STMN2: variants seen among roughly 807,000 people sequenced by gnomAD.
STMN2 encodes the protein stathmin-2.
Under a neutral mutation model 24.1 loss-of-function variants are expected in STMN2, and 2 were observed. The ratio of observed to expected loss-of-function variants is 0.08; its 90% confidence interval spans 0.03 to 0.26. The LOEUF (loss-of-function observed/expected upper bound fraction) is 0.26. Ranked by LOEUF, STMN2 falls within the 10% of genes least tolerant of loss-of-function variation. The pLI is 1.00. For synonymous variants in STMN2, 83 were observed against 77.5 expected (o/e 1.07, Z -0.37); for missense variants, 114 against 213.6 (o/e 0.53, Z 2.91).
At chr8:79,663,449 TA>T (rs928338104) in intron 4 of STMN2, 25 of 467,206 alleles carry the variant, frequency 5.4e-5, no homozygotes, top group African/African-American at 4.2e-4. Flanking sequence ...TTAATACAGG[TA>T]AAACGTGTAC....
At chr8:79,653,903 A>G (rs183663251) in intron 3 of STMN2, among the ~76,000 whole-genome samples, 1 of 152,316 alleles carries the variant, frequency 6.6e-6, no homozygotes, top group African/African-American at 2.4e-5. Context: ...GGAGAATAAA[A>G]AGAATATGGA....
chr8:79,622,101 A>G (rs10113678), intron 1 of STMN2, among the ~76,000 whole-genome samples: 106,362 of 151,962 alleles, frequency 0.7, 37,885 homozygotes, highest in African/African-American at 0.82. Flanking sequence ...AAGAGAGAGC[A>G]TGGATTAGAG....
chr8:79,634,405 G>A (rs1024455571), intron 1 of STMN2, among the ~76,000 whole-genome samples: 5 of 152,148 alleles, frequency 3.3e-5, no homozygotes, highest in African/African-American at 1.2e-4. Flanking sequence ...GATGTTCCAG[G>A]ACTTTTATGG....
At chr8:79,617,088 A>C (rs1005295237) in intron 1 of STMN2, among the ~76,000 whole-genome samples, 1 of 152,178 alleles carries the variant, frequency 6.6e-6, no homozygotes, top group Non-Finnish European at 1.5e-5. Context: ...TTATTCTAAG[A>C]GTATTTCTTC....
intron 1 of STMN2, among the ~76,000 whole-genome samples, chr8:79,632,810 T>A (rs1052004417): frequency 1.3e-5 from 2 of 152,208 alleles, no homozygotes; most frequent in Admixed American, 6.5e-5. Context: ...GAAATTTTTA[T>A]GATACTGCAC....
chr8:79,623,172 G>T (rs4739857), intron 1 of STMN2, among the ~76,000 whole-genome samples: 53,162 of 152,082 alleles, frequency 0.35, 9,410 homozygotes, highest in South Asian at 0.41. Context: ...TACCTTAGAT[G>T]AGTATGGTGA....
intron 1 of STMN2, among the ~76,000 whole-genome samples, chr8:79,625,792 T>C (rs1167894444): frequency 4.6e-5 from 7 of 152,012 alleles, no homozygotes; most frequent in African/African-American, 1.4e-4. Flanking sequence ...ACCCTGTCTC[T>C]ACTAAAAATA....
chr8:79,657,018 C>T (rs563544943), intron 4 of STMN2, among the ~76,000 whole-genome samples: 11 of 152,162 alleles, frequency 7.2e-5, no homozygotes, highest in African/African-American at 2.4e-4. Context: ...AGATTACAGG[C>T]GTATACCACC....
At chr8:79,654,203 G>A (rs1810397970) in intron 3 of STMN2, among the ~76,000 whole-genome samples, 2 of 152,068 alleles carry the variant, frequency 1.3e-5, no homozygotes, top group South Asian at 4.1e-4. Flanking sequence ...CAAAGTGCAG[G>A]GCAGGGTGTA....
At chr8:79,657,610 A>C (rs1203026124) in intron 4 of STMN2, among the ~76,000 whole-genome samples, 3 of 152,206 alleles carry the variant, frequency 2.0e-5, no homozygotes, top group Non-Finnish European at 4.4e-5. Flanking sequence ...TGCAGCCCAG[A>C]GAAATTCTAG....
chr8:79,635,720 A>G (rs1382412475), intron 1 of STMN2, among the ~76,000 whole-genome samples: 1 of 152,190 alleles, frequency 6.6e-6, no homozygotes, highest in Non-Finnish European at 1.5e-5. Context: ...ACACATGGAC[A>G]TAAATATGAG....
rs762178663 is a variant in STMN2 at position 79,641,624 on chromosome 8, GCACGCACA to G, written c.288+78_288+85del. 1.1e-4 allele frequency: 53 copies of G among 476,160 alleles called. 1 individual carries two copies. Among genetic ancestry groups the G allele is most frequent in the East Asian group, 2.1e-4 (4 of 19,260 alleles). The allele number at this position is 476,160 out of a possible 1,614,324, so 29.5% of individuals were successfully genotyped here. On this transcript the variant is annotated intron_variant, in intron 3 of 4. Coordinates refer to ENST00000220876, the MANE Select transcript of STMN2 (RefSeq NM_007029.4). ...CCCTCTCACACACTCGGGCACACAT[GCACGCACA>G]CACACACACACACACACACACACAC...
intron 1 of STMN2, among the ~76,000 whole-genome samples, chr8:79,625,173 T>G (rs1461628788): frequency 6.6e-6 from 1 of 152,194 alleles, no homozygotes; most frequent in African/African-American, 2.4e-5. Flanking sequence ...TTTTTTGCAC[T>G]ATAGACTTTT....
chr8:79,652,833 A>G (rs547103050), intron 3 of STMN2, among the ~76,000 whole-genome samples: 1 of 152,142 alleles, frequency 6.6e-6, no homozygotes, highest in African/African-American at 2.4e-5. Context: ...ATATTTACAC[A>G]CACACCTCTC....
chr8:79,630,242 A>G (rs1809766999), intron 1 of STMN2, among the ~76,000 whole-genome samples: 1 of 152,230 alleles, frequency 6.6e-6, no homozygotes, highest in Non-Finnish European at 1.5e-5. Context: ...CAACTGGCCC[A>G]TGAACTAAAA....
At chr8:79,624,200 A>G (rs1435975646) in intron 1 of STMN2, among the ~76,000 whole-genome samples, 2 of 152,260 alleles carry the variant, frequency 1.3e-5, no homozygotes, top group East Asian at 3.9e-4. Flanking sequence ...CACACCTGTA[A>G]TCCCAGCACT....
chr8:79,614,481 T>C (rs1251180919), intron 1 of STMN2, among the ~76,000 whole-genome samples: 14 of 152,226 alleles, frequency 9.2e-5, no homozygotes, highest in Admixed American at 9.2e-4. Context: ...ATTAATCTCA[T>C]GTATTTAGTT....
At chr8:79,656,861 A>G (rs79867553) in intron 4 of STMN2, among the ~76,000 whole-genome samples, 1,697 of 151,538 alleles carry the variant, frequency 0.011, 38 homozygotes, top group African/African-American at 0.039. Context: ...AACACACGGC[A>G]TAGCCTCCTT....
At chr8:79,664,535 G>A (rs947403010) in intron 4 of STMN2, among the ~76,000 whole-genome samples, 1 of 152,064 alleles carries the variant, frequency 6.6e-6, no homozygotes, top group African/African-American at 2.4e-5. Flanking sequence ...CCTTTCTCTG[G>A]ATTTATACTC....
Sources: gnomAD v4.1 joint callset for allele counts (sites outside exome capture counted in the v4.1 genomes callset) on GRCh38, gnomAD v4.1.1 for gene constraint, MANE v1.5 for transcripts, NCBI Gene and HGNC (gene_info 2026-07-23, HGNC 2026-07-21) for gene names.